Variants in CASD1 observed in about 807,000 individuals in gnomAD.
CASD1 encodes N-acetylneuraminate (7)9-O-acetyltransferase.
Under a neutral mutation model 100.0 loss-of-function variants are expected in CASD1, and 41 were observed. That is an observed-to-expected ratio of 0.41 (90% CI 0.32 to 0.53). The LOEUF is 0.53. Among genes scored for constraint, CASD1 ranks in the 20% least tolerant of loss-of-function variants. The pLI, the probability that CASD1 is intolerant of heterozygous loss-of-function variation, is 0.25. For synonymous variants in CASD1, 321 were observed against 315.6 expected (o/e 1.02, Z -0.18); for missense variants, 774 against 948.7 (o/e 0.82, Z 2.42).
chr7:94,587,541 G>T, the CASD1 span: 3 of 1,307,450 alleles, frequency 2.3e-6, no homozygotes, highest in South Asian at 5.2e-5. Context: ...TGTGAAATTA[G>T]TGGTAGTAGG....
At chr7:94,582,225 C>G in the CASD1 span, among the ~76,000 whole-genome samples, 8 of 152,200 alleles carry the variant, frequency 5.3e-5, no homozygotes, top group Middle Eastern at 3.2e-3. Context: ...TTAAGTGATT[C>G]TCTTGCCTCA....
At chr7:94,604,446 G>T in the CASD1 span, among the ~76,000 whole-genome samples, 1 of 151,294 alleles carries the variant, frequency 6.6e-6, no homozygotes, top group Non-Finnish European at 1.5e-5. Flanking sequence ...ATTTGGATAA[G>T]GAAAAACAAA....
intron 16 of CASD1, among the ~76,000 whole-genome samples, chr7:94,553,448 T>C (rs952360766): frequency 2.6e-5 from 4 of 152,164 alleles, no homozygotes; most frequent in African/African-American, 9.7e-5. Context: ...TGGTTCCTTT[T>C]TCCCATATTA....
At chr7:94,530,342 TG>T (rs1428216631) in intron 5 of CASD1, among the ~76,000 whole-genome samples, 1 of 152,172 alleles carries the variant, frequency 6.6e-6, no homozygotes, top group Non-Finnish European at 1.5e-5. Flanking sequence ...ACATACAAAA[TG>T]CTTCTTTATG....
chr7:94,600,751 C>G, the CASD1 span: 1 of 1,613,794 alleles, frequency 6.2e-7, no homozygotes, highest in Admixed American at 1.7e-5. Context: ...GTAATAGTCT[C>G]TGCTTTTCAA....
the CASD1 span, among the ~76,000 whole-genome samples, chr7:94,612,904 T>C: frequency 6.6e-6 from 1 of 152,172 alleles, no homozygotes; most frequent in African/African-American, 2.4e-5. Context: ...CAATCCATCA[T>C]CAGTCTCTGA....
At chr7:94,550,325 T>C (rs1283205560) in intron 14 of CASD1, among the ~76,000 whole-genome samples, 1 of 152,172 alleles carries the variant, frequency 6.6e-6, no homozygotes, top group African/African-American at 2.4e-5. Context: ...TCTTTGCCTT[T>C]CCTAGTTTCC....
intron 16 of CASD1, among the ~76,000 whole-genome samples, chr7:94,553,668 A>C (rs758316410): frequency 8.5e-5 from 13 of 152,100 alleles, no homozygotes; most frequent in Non-Finnish European, 1.6e-4. Flanking sequence ...AGGAGGGTAC[A>C]TTCTAAGGCA....
At chr7:94,567,920 A>G in the CASD1 span, among the ~76,000 whole-genome samples, 9 of 152,156 alleles carry the variant, frequency 5.9e-5, no homozygotes, top group African/African-American at 1.9e-4. Flanking sequence ...AGGAAATGGA[A>G]ATATATATTC....
At chr7:94,564,510 C>A in the CASD1 span, among the ~76,000 whole-genome samples, 28 of 152,246 alleles carry the variant, frequency 1.8e-4, no homozygotes, top group Non-Finnish European at 3.5e-4. Flanking sequence ...AGCTCTTGCC[C>A]CACAGGCAAA....
the CASD1 span, among the ~76,000 whole-genome samples, chr7:94,576,412 C>T: frequency 0.28 from 42,510 of 152,070 alleles, 8,805 homozygotes; most frequent in African/African-American, 0.58. Context: ...TCTGTATGCC[C>T]GAAGCCCTGA....
the CASD1 span, chr7:94,587,868 C>A: frequency 6.6e-7 from 1 of 1,522,326 alleles, no homozygotes; most frequent in East Asian, 2.6e-5. Context: ...AAACATCCAA[C>A]ACATTTCTGA....
At position 94,535,232 on chromosome 7, in the gene CASD1, C is replaced by T. The variant is rs559642316; in HGVS notation, c.629-77C>T. 5.3e-5 allele frequency: 55 copies of T among 1,028,462 alleles called. No individual in the cohort carries two copies. The African/African-American group carries it at 7.0e-4, about 13-fold the overall frequency. 63.7% of individuals were successfully genotyped at this position (1,028,462 alleles called of 1,614,324 possible). ...TAAAAATAACATATGAAATGTGGAA[C>T]AGCTAACTTGCATGATCACAATTTT... On this transcript the variant is annotated intron_variant, in intron 7 of 17. Transcript: ENST00000297273.
At chr7:94,598,331 AAAC>A in the CASD1 span, 1 of 187,986 alleles carries the variant, frequency 5.3e-6, no homozygotes, top group African/African-American at 2.4e-5. Flanking sequence ...AGATCATAAA[AAAC>A]AACCCAAACA....
At chr7:94,588,490 C>T in the CASD1 span, 9 of 1,402,974 alleles carry the variant, frequency 6.4e-6, no homozygotes, top group Non-Finnish European at 8.3e-6. Context: ...AGATCATTTA[C>T]CCTGTGTTTA....
At chr7:94,588,958 A>C in the CASD1 span, 1 of 553,868 alleles carries the variant, frequency 1.8e-6, no homozygotes, top group East Asian at 3.2e-5. Context: ...ACTGCGGGCT[A>C]TACTCTAAAG....
the CASD1 span, among the ~76,000 whole-genome samples, chr7:94,581,337 C>G: frequency 6.6e-6 from 1 of 152,218 alleles, no homozygotes; most frequent in African/African-American, 2.4e-5. Context: ...CTCATTCTTT[C>G]AATTGACATC....
At chr7:94,529,087 A>G (rs1794722185) in intron 5 of CASD1, among the ~76,000 whole-genome samples, 1 of 152,170 alleles carries the variant, frequency 6.6e-6, no homozygotes, top group Non-Finnish European at 1.5e-5. Context: ...AAAAACAAAC[A>G]TGTAGACAAC....
the CASD1 span, among the ~76,000 whole-genome samples, chr7:94,604,839 ATATATATATATATATATAT>A: frequency 2.7e-5 from 2 of 73,716 alleles, no homozygotes; most frequent in African/African-American, 4.3e-5. Flanking sequence ...ATATATATAT[ATATATATATATATATATAT>A]AATAGTTGTT....
Sources: gnomAD v4.1 joint callset for allele counts (sites outside exome capture counted in the v4.1 genomes callset) on GRCh38, gnomAD v4.1.1 for gene constraint, MANE v1.5 for transcripts, NCBI Gene and HGNC (gene_info 2026-07-23, HGNC 2026-07-21) for gene names.